The following RNLS variants were observed in gnomAD, a reference collection of about 807,000 sequenced individuals.
RNLS encodes the protein renalase.
Under a neutral mutation model 39.8 loss-of-function variants are expected in RNLS, and 39 were observed. That is an observed-to-expected ratio of 0.98 (90% CI 0.76 to 1.28). RNLS has a LOEUF of 1.28. Among genes scored for constraint, RNLS ranks in the 50% most tolerant of loss-of-function variants. RNLS has a pLI of 0.00. For synonymous variants in RNLS, 147 were observed against 150.7 expected, an observed-to-expected ratio of 0.98 and a Z score of 0.18; for missense variants, 410 against 413.3, an observed-to-expected ratio of 0.99 and a Z score of 0.07.
At chr10:88,457,631 G>T (rs1842704675) in intron 4 of RNLS, among the ~76,000 whole-genome samples, 1 of 152,182 alleles carries the variant, frequency 6.6e-6, no homozygotes. Flanking sequence ...TGAGGTTTCT[G>T]TTGTTGATAT....
chr10:88,474,863 C>T (rs1179886823), intron 4 of RNLS, among the ~76,000 whole-genome samples: 1 of 152,080 alleles, frequency 6.6e-6, no homozygotes, highest in African/African-American at 2.4e-5. Context: ...GTTGCTGCCT[C>T]ATTATTAAGG....
At chr10:88,570,387 T>C (rs1849754254) in intron 4 of RNLS, among the ~76,000 whole-genome samples, 1 of 152,210 alleles carries the variant, frequency 6.6e-6, no homozygotes, top group Non-Finnish European at 1.5e-5. Flanking sequence ...GAAGAAGTAA[T>C]ACGGACCAGT....
chr10:88,338,758 CTTTTTTTTTTTTT>C (rs36061512), intron 5 of RNLS, among the ~76,000 whole-genome samples: 1 of 112,496 alleles, frequency 8.9e-6, no homozygotes, highest in Non-Finnish European at 1.8e-5. Flanking sequence ...GCTAGATTTC[CTTTTTTTTTTTTT>C]TTTTTTTTTG....
At chr10:88,379,924 C>T (rs1851314766) in intron 4 of RNLS, among the ~76,000 whole-genome samples, 1 of 152,130 alleles carries the variant, frequency 6.6e-6, no homozygotes, top group Non-Finnish European at 1.5e-5. Flanking sequence ...GGTATCAGCC[C>T]CCCGCTGTCC....
intron 4 of RNLS, among the ~76,000 whole-genome samples, chr10:88,420,614 T>C (rs1854347236): frequency 6.6e-6 from 1 of 152,368 alleles, no homozygotes; most frequent in African/African-American, 2.4e-5. Context: ...TAGGAGGACA[T>C]TTATTGTATA....
At chr10:88,328,595 G>A in intron 5 of RNLS, among the ~76,000 whole-genome samples, 1 of 151,754 alleles carries the variant, frequency 6.6e-6, no homozygotes, top group East Asian at 1.9e-4. Flanking sequence ...CTACTATCTT[G>A]GAAATTATAT....
intron 4 of RNLS, chr10:88,545,618 T>C (rs9664314): frequency 0.41 from 139,307 of 343,860 alleles, 30,733 homozygotes; most frequent in African/African-American, 0.62. Flanking sequence ...ATTATGTGAG[T>C]TAAATTCAAT....
intron 4 of RNLS, among the ~76,000 whole-genome samples, chr10:88,385,992 T>C (rs1851837777): frequency 6.6e-6 from 1 of 152,226 alleles, no homozygotes; most frequent in Non-Finnish European, 1.5e-5. Flanking sequence ...CGACAGAGAT[T>C]GCTTTTGTTG....
At chr10:88,370,108 G>A (rs764500579) in intron 4 of RNLS, among the ~76,000 whole-genome samples, 1 of 152,154 alleles carries the variant, frequency 6.6e-6, no homozygotes, top group Non-Finnish European at 1.5e-5. Flanking sequence ...CTGAAGCCAA[G>A]TTGAAACATT....
At chr10:88,447,952 T>C (rs549716910) in intron 4 of RNLS, among the ~76,000 whole-genome samples, 23 of 152,266 alleles carry the variant, frequency 1.5e-4, no homozygotes, top group African/African-American at 5.5e-4. Context: ...ACTGGCTAGC[T>C]ATATGTAGAA....
the RNLS span, among the ~76,000 whole-genome samples, chr10:88,205,975 G>T: frequency 6.6e-6 from 1 of 152,188 alleles, no homozygotes; most frequent in Non-Finnish European, 1.5e-5. Flanking sequence ...GCTAAGGAAA[G>T]TTTATGCCTA....
At chr10:88,256,271 C>T in the RNLS span, among the ~76,000 whole-genome samples, 20 of 152,310 alleles carry the variant, frequency 1.3e-4, no homozygotes, top group African/African-American at 4.3e-4. Flanking sequence ...TACCAACCCG[C>T]GTACCACCCG....
chr10:88,312,404 T>A (rs765865183), intron 6 of RNLS, among the ~76,000 whole-genome samples: 15 of 152,214 alleles, frequency 9.9e-5, no homozygotes, highest in Admixed American at 2.6e-4. Flanking sequence ...TGACCACACC[T>A]GGATTTTATT....
intron 4 of RNLS, among the ~76,000 whole-genome samples, chr10:88,365,258 G>GTT (rs35495924): frequency 1.3e-5 from 2 of 151,630 alleles, no homozygotes; most frequent in African/African-American, 4.8e-5. Context: ...AGGCTTAAAA[G>GTT]TTTTTTATTC....
chr10:88,214,498 CAAAAAAAAAAAA>C, the RNLS span, among the ~76,000 whole-genome samples: 4 of 135,124 alleles, frequency 3.0e-5, no homozygotes, highest in Non-Finnish European at 4.8e-5. Context: ...GACTCCGTCT[CAAAAAAAAAAAA>C]AAAAAAAAAA....
At chr10:88,436,389 C>T (rs970008340) in intron 4 of RNLS, among the ~76,000 whole-genome samples, 3 of 152,252 alleles carry the variant, frequency 2.0e-5, no homozygotes, top group Admixed American at 6.5e-5. Flanking sequence ...GGTATAACCT[C>T]GGGCCAGGGC....
chr10:88,216,627 C>G, the RNLS span, among the ~76,000 whole-genome samples: 1 of 152,206 alleles, frequency 6.6e-6, no homozygotes. Context: ...GGGAAGCAAA[C>G]TGACCTGGTG....
At chr10:88,231,336 C>T in the RNLS span, among the ~76,000 whole-genome samples, 19 of 152,162 alleles carry the variant, frequency 1.2e-4, no homozygotes, top group Admixed American at 3.9e-4. Context: ...AGAAGGTGGC[C>T]GTCTGCAAGC....
chr10:88,540,743 C>T (rs1050271954), intron 4 of RNLS, among the ~76,000 whole-genome samples: 1 of 152,140 alleles, frequency 6.6e-6, no homozygotes, highest in East Asian at 1.9e-4. Flanking sequence ...GGACAACATA[C>T]ATTTTTAAGA....
Sources: gnomAD v4.1 joint callset for allele counts (sites outside exome capture counted in the v4.1 genomes callset) on GRCh38, gnomAD v4.1.1 for gene constraint, MANE v1.5 for transcripts, NCBI Gene and HGNC (gene_info 2026-07-23, HGNC 2026-07-21) for gene names.